The following CCND3 variants were observed in gnomAD, a reference collection of about 807,000 sequenced individuals.
CCND3 encodes G1/S-specific cyclin-D3.
In CCND3, 9 loss-of-function variants were observed where a neutral mutation model predicts 28.7. The observed-to-expected ratio is 0.31, with a 90% confidence interval of 0.19 to 0.55. CCND3 has a LOEUF of 0.55. Among genes scored for constraint, CCND3 ranks in the 20% least tolerant of loss-of-function variants. The pLI, the probability that CCND3 is intolerant of heterozygous loss-of-function variation, is 0.93. For missense variants in CCND3, 315 were observed against 385.8 expected (o/e 0.82, Z 1.54); for synonymous variants, 164 against 163.9 (o/e 1.00, Z 0.00).
At chr6:42,009,931 T>G (rs1763291854) in intron 1 of CCND3, among the ~76,000 whole-genome samples, 1 of 152,098 alleles carries the variant, frequency 6.6e-6, no homozygotes, top group Non-Finnish European at 1.5e-5. Flanking sequence ...CCCCACTTAG[T>G]CCTACTGAAT....
intron 1 of CCND3, among the ~76,000 whole-genome samples, chr6:41,980,644 C>G (rs1392906877): frequency 2.0e-5 from 3 of 152,054 alleles, no homozygotes; most frequent in Non-Finnish European, 2.9e-5. Flanking sequence ...AAAATATAAG[C>G]AAATTTAATC....
chr6:41,965,779 C>T lies in CCND3; in HGVS notation c.-45-25194G>A, dbSNP rs186401816. ...TCCCACCCCAAAGGACACATTCTTC[C>T]TTTTGATATGTTAATCGATGCCGTA... On this transcript the variant is annotated intron_variant, in intron 1 of 4. Transcript: ENST00000372988. Among the ~76,000 whole-genome samples, 288 of 152,326 alleles carry T rather than the reference C, an allele frequency of 1.9e-3. 1 individual carries two copies. Among genetic ancestry groups the T allele is most frequent in the African/African-American group, 6.6e-3 (273 of 41,576 alleles).
chr6:41,973,809 T>G (rs1432399425), intron 1 of CCND3, among the ~76,000 whole-genome samples: 2 of 152,234 alleles, frequency 1.3e-5, no homozygotes, highest in African/African-American at 4.8e-5. Context: ...CTCAGTCTTC[T>G]CATGTATAAA....
chr6:42,037,404 A>G (rs571023448), intron 1 of CCND3, among the ~76,000 whole-genome samples: 4 of 148,522 alleles, frequency 2.7e-5, no homozygotes, highest in Admixed American at 2.0e-4. Flanking sequence ...TGCCCAGCTA[A>G]TTTTTGTATT....
chr6:41,945,409 G>A (rs560078893), upstream of CCND3, among the ~76,000 whole-genome samples: 79 of 152,322 alleles, frequency 5.2e-4, no homozygotes, highest in Non-Finnish European at 9.4e-4. Flanking sequence ...CAGCTACTCC[G>A]GAGGCTGAGC....
At chr6:42,016,603 T>TTC (rs1763522758) in intron 1 of CCND3, among the ~76,000 whole-genome samples, 1 of 150,798 alleles carries the variant, frequency 6.6e-6, no homozygotes, top group African/African-American at 2.4e-5. Flanking sequence ...CTTTTTTTTT[T>TTC]TTTTTTTGAG....
intron 1 of CCND3, among the ~76,000 whole-genome samples, chr6:42,029,481 G>T (rs1168847027): frequency 6.6e-6 from 1 of 152,132 alleles, no homozygotes; most frequent in Non-Finnish European, 1.5e-5. Flanking sequence ...TAAATACAGT[G>T]ATGTGGCACC....
intron 1 of CCND3, among the ~76,000 whole-genome samples, chr6:41,988,759 C>A (rs184748568): frequency 1.5e-5 from 2 of 136,754 alleles, no homozygotes; most frequent in Non-Finnish European, 3.0e-5. Context: ...AGTGCAGTGG[C>A]GCGATGTCGG....
At chr6:42,000,695 G>A (rs1487610166) in intron 1 of CCND3, among the ~76,000 whole-genome samples, 1 of 148,166 alleles carries the variant, frequency 6.7e-6, no homozygotes, top group Non-Finnish European at 1.5e-5. Context: ...AGCCTCCCTA[G>A]TAGCTGGGAT....
Position 41,948,679 on chromosome 6 carries a change from A to C in CCND3, c.-45-8094T>G, listed in dbSNP as rs537903352. The stretch of plus-strand genomic sequence containing the variant: ...TGGTGAAACCCCGTCTCTAGTAAAA[A>C]ATACAAAAAAATTAGCTGGGCATGG... On this transcript the variant is annotated intron_variant, in intron 1 of 4. Transcript: ENST00000372988. Among the ~76,000 whole-genome samples, 6 of 152,006 alleles carry C rather than the reference A, an allele frequency of 3.9e-5. No homozygotes were observed. In the South Asian group the frequency reaches 1.2e-3, roughly 32 times the overall value.
At chr6:42,049,869 C>T (rs1030744662), upstream of CCND3, 2 of 152,222 alleles carry the variant, frequency 1.3e-5, no homozygotes, top group African/African-American at 4.8e-5. Context: ...AGCCCCTCTT[C>T]CAGAGAGTGA....
chr6:41,959,955 C>CG (rs1554160415), intron 1 of CCND3, among the ~76,000 whole-genome samples: 1 of 140,362 alleles, frequency 7.1e-6, no homozygotes, highest in East Asian at 2.1e-4. Flanking sequence ...GACTCCGTCT[C>CG]AAAAAAAAAA....
intron 1 of CCND3, among the ~76,000 whole-genome samples, chr6:42,035,682 CTT>C (rs70987564): frequency 3.7e-5 from 5 of 134,016 alleles, no homozygotes; most frequent in Admixed American, 7.7e-5. Context: ...CTTTTCTTTT[CTT>C]TTTTTTTTTT....
intron 1 of CCND3, among the ~76,000 whole-genome samples, chr6:41,957,112 G>C (rs1776458338): frequency 6.6e-6 from 1 of 152,190 alleles, no homozygotes; most frequent in South Asian, 2.1e-4. Context: ...ACTGGCAGAA[G>C]GAGTTTTCCT....
intron 1 of CCND3, among the ~76,000 whole-genome samples, chr6:42,024,311 G>A (rs904822045): frequency 4.6e-5 from 7 of 151,844 alleles, no homozygotes; most frequent in Non-Finnish European, 7.4e-5. Context: ...GCTAAGGCAG[G>A]AGAATGGCAT....
chr6:41,972,315 T>A (rs1382859330), intron 1 of CCND3, among the ~76,000 whole-genome samples: 1 of 152,088 alleles, frequency 6.6e-6, no homozygotes, highest in Non-Finnish European at 1.5e-5. Context: ...GCCCATTCTG[T>A]ATACACATAA....
chr6:42,030,244 G>C (rs1206155768), intron 1 of CCND3: 3 of 152,324 alleles, frequency 2.0e-5, no homozygotes, highest in African/African-American at 7.2e-5. Context: ...GTGGTGGCCT[G>C]AGGGATTGGT....
intron 2 of CCND3, 141 bp downstream of exon 2, chr6:41,940,228 TC>T: frequency 1.4e-6 from 1 of 731,612 alleles, no homozygotes; most frequent in Non-Finnish European, 2.4e-6. Flanking sequence ...CATCGTTTGT[TC>T]CACCCCAATT....
rs1341239176 is a variant in CCND3 at position 42,048,716 on chromosome 6, A to G, written c.-261T>C. The stretch of plus-strand genomic sequence containing the variant: ...AAAGTCCGCGCCGCGCCGCCGATCC[A>G]GAGCTGGGCAGGAAGTGGGGAAGAG... On this transcript the variant is annotated 5_prime_UTR_variant, in exon 1 of 5. Transcript: ENST00000372988. The surrounding 1 kb of genome is among the most constrained non-coding windows in gnomAD (Gnocchi z 4.7). The G allele has an allele frequency of 2.0e-6, 1 of 511,878 alleles. No individual in the cohort carries two copies. The highest frequency in any genetic ancestry group is 1.4e-5 in the South Asian group (1 of 70,364). 31.7% of individuals were successfully genotyped at this position (511,878 alleles called of 1,614,324 possible). A position where few individuals can be genotyped will look rare whatever the true frequency, so the allele number is the denominator to read the frequency against.
Sources: gnomAD v4.1 joint callset for allele counts (sites outside exome capture counted in the v4.1 genomes callset) on GRCh38, gnomAD v4.1.1 for gene constraint, Gnocchi (gnomAD v3.1) non-coding constraint, MANE v1.5 for transcripts, NCBI Gene and HGNC (gene_info 2026-07-23, HGNC 2026-07-21) for gene names.